SP4: variants seen among roughly 807,000 people sequenced by gnomAD.
SP4 encodes the protein Sp4 transcription factor, also known as transcription factor Sp4.
Under a neutral mutation model 72.8 loss-of-function variants are expected in SP4, and 19 were observed. The ratio of observed to expected loss-of-function variants is 0.26; its 90% CI spans 0.18 to 0.38. SP4 has a LOEUF of 0.38. Among genes scored for constraint, SP4 ranks in the 10% least tolerant of loss-of-function variants. The pLI, the probability that SP4 is intolerant of heterozygous loss-of-function variation, is 1.00. For synonymous variants in SP4, 395 were observed against 333.1 expected, an observed-to-expected ratio of 1.19 and a Z score of -2.02; for missense variants, 1,008 against 926.3, an observed-to-expected ratio of 1.09 and a Z score of -1.14.
Position 21,511,445 on chromosome 7 carries a change from A to T in SP4, c.*176A>T. The T allele has an allele frequency of 1.6e-6, 1 of 612,200 alleles. No individual in the cohort carries two copies. The highest frequency in any genetic ancestry group is 2.2e-5 in the South Asian group (1 of 45,708). The allele number at this position is 612,200 out of a possible 1,614,324, so 37.9% of individuals were successfully genotyped here. A position where few individuals can be genotyped will look rare whatever the true frequency, so the allele number is the denominator to read the frequency against. On this transcript the variant is annotated 3_prime_UTR_variant, in exon 6 of 6. Transcript: ENST00000222584. Reference sequence around the variant, plus strand: ...GAAGTGTTGAATTTTAAAAAATACAAAAAGCAGACTGATGTACTGGAAACA... The same window carrying T: ...GAAGTGTTGAATTTTAAAAAATACATAAAGCAGACTGATGTACTGGAAACA...
Position 21,514,082 on chromosome 7 carries a change from A to G in SP4, c.*2813A>G, listed in dbSNP as rs1782210007. ...TGTAATTATCAGTGCAAAGCTATGTATTTATCATGGTAAAACTCCAGTGTT... is the reference window on the plus strand; with the variant it reads ...TGTAATTATCAGTGCAAAGCTATGTGTTTATCATGGTAAAACTCCAGTGTT... On this transcript the variant is annotated 3_prime_UTR_variant, in exon 6 of 6. Coordinates refer to ENST00000222584, the MANE Select transcript of SP4 (RefSeq NM_003112.5). 6.6e-6 allele frequency: 1 copy of G among 152,602 alleles called. No homozygotes were observed. The highest frequency in any genetic ancestry group is 2.4e-5 in the African/African-American group (1 of 41,462). The allele number at this position is 152,602 out of a possible 1,614,324, so 9.5% of individuals were successfully genotyped here.
chr7:21,428,359 A>C, intron 1 of SP4, 101 bp downstream of exon 1: 1 of 718,932 alleles, frequency 1.4e-6, no homozygotes, highest in Non-Finnish European at 2.6e-6. Flanking sequence ...GGCCGCTGAG[A>C]TGCTTTAAGG....
At chr7:21,508,102 T>C (rs1324480272) in intron 5 of SP4, among the ~76,000 whole-genome samples, 1 of 152,076 alleles carries the variant, frequency 6.6e-6, no homozygotes, top group East Asian at 1.9e-4. Context: ...CAGTCTCAGG[T>C]TTGTCTGTGG....
At chr7:21,440,279 A>G (rs953436527) in intron 3 of SP4, among the ~76,000 whole-genome samples, 1 of 152,096 alleles carries the variant, frequency 6.6e-6, no homozygotes, top group Non-Finnish European at 1.5e-5. Flanking sequence ...AGTCTCAAAG[A>G]TTAGGTAAGT....
chr7:21,439,317 CTT>C (rs59341424), intron 3 of SP4, among the ~76,000 whole-genome samples: 3 of 151,636 alleles, frequency 2.0e-5, no homozygotes, highest in Admixed American at 6.6e-5. Flanking sequence ...ATCTGTATGC[CTT>C]TTTTTTTAAG....
intron 3 of SP4, among the ~76,000 whole-genome samples, chr7:21,465,046 T>C (rs754221274): frequency 1.3e-5 from 2 of 152,248 alleles, no homozygotes; most frequent in Non-Finnish European, 2.9e-5. Flanking sequence ...TTAAAGAAAG[T>C]ATTCATATCT....
chr7:21,440,589 C>T (rs775559271), intron 3 of SP4, among the ~76,000 whole-genome samples: 34 of 152,144 alleles, frequency 2.2e-4, no homozygotes, highest in Admixed American at 6.6e-4. Flanking sequence ...GTGGTTCACA[C>T]CTGTAATCCC....
At position 21,513,535 on chromosome 7, in the gene SP4, A is replaced by G. The variant is rs984863359; in HGVS notation, c.*2266A>G. The G allele has an allele frequency of 6.6e-6, 1 of 150,640 alleles. No homozygotes were observed. The highest frequency in any genetic ancestry group is 2.5e-5 in the African/African-American group (1 of 39,630). The allele number at this position is 150,640 out of a possible 1,614,324, so 9.3% of individuals were successfully genotyped here. A position where few individuals can be genotyped will look rare whatever the true frequency, so the allele number is the denominator to read the frequency against. ...AATTTTATTATATAGGAGCTGAAAC[A>G]TCAAATATATATTTTATCTATCATT... On this transcript the variant is annotated 3_prime_UTR_variant, in exon 6 of 6. Coordinates refer to ENST00000222584, the MANE Select transcript of SP4 (RefSeq NM_003112.5).
At chr7:21,488,258 A>G (rs1239140268) in intron 5 of SP4, among the ~76,000 whole-genome samples, 1 of 152,120 alleles carries the variant, frequency 6.6e-6, no homozygotes, top group East Asian at 1.9e-4. Context: ...CTGTGCAACC[A>G]TGTTTTTTTA....
chr7:21,429,436 G>A lies in SP4; in HGVS notation c.271G>A (p.Glu91Lys), dbSNP rs959125663. 1.2e-6 allele frequency: 2 copies of A among 1,614,038 alleles called. No individual in the cohort carries two copies. Among genetic ancestry groups the A allele is most frequent in the African/African-American group, 2.7e-5 (2 of 74,902 alleles). The change falls in exon 3 of 6, where the codon GAA becomes AAA. Residue 91 changes from glutamate (E) to lysine (K), a missense_variant. By Grantham distance (56) the Glu-to-Lys change is moderately conservative. Around this residue, in one of 3 missense-constraint regions of SP4, gnomAD observed 893 missense variants for 743.3 expected, o/e 1.20. Coordinates refer to ENST00000222584, the MANE Select transcript of SP4 (RefSeq NM_003112.5). ...VQLQNQPQQL[E>K]LVTTQLAGNA... Reference sequence around the variant, plus strand: ...ACTTCAAAATCAACCACAACAGCTAGAACTGGTAACAACGCAACTTGCTGG... The same window carrying A: ...ACTTCAAAATCAACCACAACAGCTAAAACTGGTAACAACGCAACTTGCTGG...
intron 5 of SP4, among the ~76,000 whole-genome samples, chr7:21,492,133 A>C (rs575454729): frequency 3.3e-5 from 5 of 152,178 alleles, no homozygotes; most frequent in Non-Finnish European, 7.4e-5. Flanking sequence ...ACATATGGCC[A>C]ATATAACAGA....
At chr7:21,472,174 A>C (rs1784364615) in intron 3 of SP4, among the ~76,000 whole-genome samples, 1 of 152,212 alleles carries the variant, frequency 6.6e-6, no homozygotes, top group African/African-American at 2.4e-5. Context: ...ATAGCAGTAA[A>C]AGTTATGAAA....
intron 5 of SP4, among the ~76,000 whole-genome samples, chr7:21,493,091 T>C (rs1785021152): frequency 6.6e-6 from 1 of 151,986 alleles, no homozygotes; most frequent in African/African-American, 2.4e-5. Context: ...TTCCAGCTAA[T>C]TGGAAGGCTG....
At chr7:21,492,481 C>T (rs1015430893) in intron 5 of SP4, among the ~76,000 whole-genome samples, 31 of 151,988 alleles carry the variant, frequency 2.0e-4, no homozygotes, top group African/African-American at 7.5e-4. Context: ...GATGCTCAGT[C>T]AGTATGTATT....
chr7:21,469,502 A>T (rs1214003011), intron 3 of SP4, among the ~76,000 whole-genome samples: 1 of 152,030 alleles, frequency 6.6e-6, no homozygotes, highest in African/African-American at 2.4e-5. Context: ...GAAAGGGAGA[A>T]ATCTTAGCCT....
intron 5 of SP4, 141 bp from the exon 6 acceptor site, chr7:21,510,881 G>A (rs901431870): frequency 2.0e-5 from 15 of 751,068 alleles, no homozygotes; most frequent in Middle Eastern, 3.5e-4. Context: ...ATTTGATAAC[G>A]TTTTTAAATA....
Position 21,511,418 on chromosome 7 carries a change from G to A in SP4, c.*149G>A, listed in dbSNP as rs537566582. 17 of 738,604 alleles carry A rather than the reference G, an allele frequency of 2.3e-5. No homozygotes were observed. The highest frequency in any genetic ancestry group is 1.9e-4 in the East Asian group (7 of 37,466). The allele number at this position is 738,604 out of a possible 1,614,324, so 45.8% of individuals were successfully genotyped here. A position where few individuals can be genotyped will look rare whatever the true frequency, so the allele number is the denominator to read the frequency against. On this transcript the variant is annotated 3_prime_UTR_variant, in exon 6 of 6. Transcript: ENST00000222584. ...GTATTCCAGGGTTTGGGGTCAACAC[G>A]TGAAGTGTTGAATTTTAAAAAATAC... is the stretch of plus-strand genomic sequence containing the variant.
chr7:21,505,991 C>T (rs1480378648), intron 5 of SP4, among the ~76,000 whole-genome samples: 2 of 152,154 alleles, frequency 1.3e-5, no homozygotes, highest in African/African-American at 4.8e-5. Flanking sequence ...CTTTCCTCCT[C>T]CTCTGTCAGG....
chr7:21,484,843 C>G (rs1258261943), intron 5 of SP4, among the ~76,000 whole-genome samples: 2 of 151,514 alleles, frequency 1.3e-5, no homozygotes, highest in Non-Finnish European at 3.0e-5. Context: ...TGCAGATACA[C>G]AAAACAAATT....
Sources: allele counts gnomAD v4.1 joint callset (sites outside exome capture counted in the v4.1 genomes callset), GRCh38; gene constraint gnomAD v4.1.1; regional missense constraint gnomAD v4.1.1; transcripts MANE v1.5; gene names NCBI Gene and HGNC (gene_info 2026-07-23, HGNC 2026-07-21).